SEM1: variants seen among roughly 807,000 people sequenced by gnomAD.
SEM1 encodes SEM1 26S proteasome subunit, also known as 26S proteasome complex subunit SEM1.
In SEM1, 3 loss-of-function variants were observed where a neutral mutation model predicts 12.7. The ratio of observed to expected loss-of-function variants is 0.24; its 90% CI spans 0.11 to 0.61. The LOEUF (loss-of-function observed/expected upper bound fraction) is 0.61, where lower values mean the gene tolerates loss of function less well. SEM1 is among the 20% of genes least tolerant of loss of function. The pLI is 0.88. For missense variants in SEM1, 59 were observed against 81.3 expected (o/e 0.73, Z 1.06); for synonymous variants, 30 against 27.8 (o/e 1.08, Z -0.25).
chr7:96,651,173 G>A (rs915960467), intron 2 of SEM1, among the ~76,000 whole-genome samples: 1 of 152,114 alleles, frequency 6.6e-6, no homozygotes, highest in Admixed American at 6.6e-5. Flanking sequence ...CACCTCTTGT[G>A]GCCAGTGGTA....
chr7:96,697,289 T>G (rs1790126882), intron 1 of SEM1: 1 of 152,066 alleles, frequency 6.6e-6, no homozygotes, highest in Non-Finnish European at 1.5e-5. Context: ...AATTGGGCTT[T>G]CTTCACTTTG....
intron 2 of SEM1, among the ~76,000 whole-genome samples, chr7:96,690,769 T>A (rs1182460647): frequency 6.6e-6 from 1 of 152,148 alleles, no homozygotes; most frequent in Admixed American, 6.5e-5. Flanking sequence ...GGAACTATAC[T>A]GGATTTTTTT....
At chr7:96,549,005 C>T (rs914313357) in intron 2 of SEM1, among the ~76,000 whole-genome samples, 13 of 152,216 alleles carry the variant, frequency 8.5e-5, no homozygotes, top group African/African-American at 3.1e-4. Flanking sequence ...CAGAGGACAC[C>T]TGGGCTGTCT....
chr7:96,496,565 ACT>A (rs1363633603), upstream of SEM1, among the ~76,000 whole-genome samples: 7 of 152,116 alleles, frequency 4.6e-5, no homozygotes, highest in African/African-American at 1.7e-4. Context: ...GATTTATAGA[ACT>A]CTCTAGTTTA....
rs556610251 is a variant in SEM1 at position 96,580,574 on chromosome 7, A to C, written c.171-73876T>G. On this transcript the variant is annotated intron_variant and NMD_transcript_variant, in intron 2 of 3. Coordinates refer to the SEM1 transcript ENST00000466986. Reference sequence around the variant, plus strand: ...ACTTCCACAATGGTTGAACTAGTTTACAGTCCCACCAACAGTGTAAAAGTG... The same window carrying C: ...ACTTCCACAATGGTTGAACTAGTTTCCAGTCCCACCAACAGTGTAAAAGTG... Among the ~76,000 whole-genome samples, 461 of 152,110 alleles carry C rather than the reference A, an allele frequency of 3.0e-3. 3 individuals carry two copies. Among genetic ancestry groups the C allele is most frequent in the African/African-American group, 0.011 (437 of 41,512 alleles).
chr7:96,652,424 ATCTTC>A (rs1306650208), intron 2 of SEM1, among the ~76,000 whole-genome samples: 3 of 152,068 alleles, frequency 2.0e-5, no homozygotes, highest in Non-Finnish European at 4.4e-5. Flanking sequence ...ATGATAAAGT[ATCTTC>A]TCTTCTTTGT....
At chr7:96,534,050 G>A (rs1488633647) in intron 2 of SEM1, among the ~76,000 whole-genome samples, 1 of 152,080 alleles carries the variant, frequency 6.6e-6, no homozygotes, top group East Asian at 1.9e-4. Context: ...CATCTATGCA[G>A]ATATCTGAGT....
intron 1 of SEM1, among the ~76,000 whole-genome samples, chr7:96,705,088 A>G (rs1476967005): frequency 6.6e-6 from 1 of 152,152 alleles, no homozygotes; most frequent in African/African-American, 2.4e-5. Flanking sequence ...CATTTATTCC[A>G]GAATGCTGGC....
downstream of SEM1, among the ~76,000 whole-genome samples, chr7:96,619,111 T>A (rs996859916): frequency 8.5e-5 from 13 of 152,246 alleles, no homozygotes; most frequent in Admixed American, 7.2e-4. Context: ...AATTCTTGAT[T>A]GGAAACTTGC....
Position 96,663,773 on chromosome 7 carries a change from A to G in SEM1, c.170+31025T>C, listed in dbSNP as rs1423229687. ...TGAAGGAGTAACAGAAGACTGGAAC[A>G]CTATAAACACTATAAAGAATTTCAA... On this transcript the variant is annotated intron_variant, in intron 2 of 2. Coordinates refer to the SEM1 transcript ENST00000417009. Among the ~76,000 whole-genome samples the G allele has an allele frequency of 2.0e-5, 3 of 152,356 alleles. No individual in the cohort carries two copies. In the East Asian group the frequency reaches 5.8e-4, roughly 29 times the overall value.
chr7:96,581,324 A>T (rs1293464041), intron 2 of SEM1, among the ~76,000 whole-genome samples: 1 of 151,972 alleles, frequency 6.6e-6, no homozygotes, highest in Non-Finnish European at 1.5e-5. Flanking sequence ...TGTTCCATTG[A>T]TCTTTATCTC....
chr7:96,587,847 A>C (rs1355932550), intron 2 of SEM1, among the ~76,000 whole-genome samples: 4 of 152,206 alleles, frequency 2.6e-5, no homozygotes, highest in Non-Finnish European at 4.4e-5. Flanking sequence ...AACCTTGTTC[A>C]ATAAATTTGA....
At chr7:96,696,658 C>G (rs978894292) in intron 1 of SEM1, 1 of 151,900 alleles carries the variant, frequency 6.6e-6, no homozygotes, top group African/African-American at 2.4e-5. Flanking sequence ...AGTGTATTAA[C>G]CTGGATTATG....
chr7:96,670,356 AT>A (rs1018640609), downstream of SEM1, among the ~76,000 whole-genome samples: 1 of 152,208 alleles, frequency 6.6e-6, no homozygotes, highest in Non-Finnish European at 1.5e-5. Context: ...ATAAATTATG[AT>A]GTAAAACTAG....
chr7:96,668,039 C>T (rs185799480), intron 2 of SEM1, among the ~76,000 whole-genome samples: 69 of 152,146 alleles, frequency 4.5e-4, no homozygotes, highest in South Asian at 2.9e-3. Context: ...AACCCACCCA[C>T]GAATACTACT....
intron 2 of SEM1, among the ~76,000 whole-genome samples, chr7:96,578,610 T>A (rs912139288): frequency 1.3e-5 from 2 of 152,094 alleles, no homozygotes; most frequent in African/African-American, 4.8e-5. Context: ...CTAAAAGAAC[T>A]AAGATGTAAG....
chr7:96,683,113 A>G (rs1789664379), intron 2 of SEM1, among the ~76,000 whole-genome samples: 1 of 152,108 alleles, frequency 6.6e-6, no homozygotes, highest in African/African-American at 2.4e-5. Flanking sequence ...GTGGGAATGT[A>G]AATTAGTTCA....
At chr7:96,492,270 T>C (rs2117225575) in intron 1 of SEM1, among the ~76,000 whole-genome samples, 1 of 152,306 alleles carries the variant, frequency 6.6e-6, no homozygotes, top group South Asian at 2.1e-4. Context: ...CTCCATCTAC[T>C]TCCTGTCTCT....
chr7:96,709,280 G>C (rs1276200120), intron 1 of SEM1, among the ~76,000 whole-genome samples: 2 of 152,192 alleles, frequency 1.3e-5, no homozygotes, highest in Non-Finnish European at 2.9e-5. Context: ...CAGCATTGGC[G>C]TAACTACTGA....
Sources: allele counts gnomAD v4.1 joint callset (sites outside exome capture counted in the v4.1 genomes callset), GRCh38; gene constraint gnomAD v4.1.1; transcripts MANE v1.5; gene names NCBI Gene and HGNC (gene_info 2026-07-23, HGNC 2026-07-21).